Variants in CACNA1E observed in about 807,000 individuals in gnomAD.
CACNA1E encodes voltage-dependent R-type calcium channel subunit alpha-1E.
In CACNA1E, 40 loss-of-function variants were observed where a neutral mutation model predicts 259.2. That is an observed-to-expected ratio of 0.15 (90% CI 0.12 to 0.20). The LOEUF (loss-of-function observed/expected upper bound fraction) is 0.20, where lower values mean the gene tolerates loss of function less well. Ranked by LOEUF, CACNA1E falls within the 10% of genes least tolerant of loss-of-function variation. The pLI is 1.00. For missense variants in CACNA1E, 1,874 were observed against 3,040.1 expected, an observed-to-expected ratio of 0.62 and a Z score of 9.02; for synonymous variants, 1,104 against 1,138.5, an observed-to-expected ratio of 0.97 and a Z score of 0.61.
intron 6 of CACNA1E, among the ~76,000 whole-genome samples, chr1:181,610,670 A>T (rs1374696245): frequency 6.6e-6 from 1 of 152,208 alleles, no homozygotes; most frequent in Non-Finnish European, 1.5e-5. Context: ...AGTAATGTCA[A>T]TAGAGATGTC....
rs139376462 is a variant in CACNA1E at position 181,409,865 on chromosome 1, G to T, written c.-14-3268G>T. On this transcript the variant is annotated intron_variant, in intron 1 of 11. Transcript: ENST00000524607. ...CTGGAGCTCCGCAGTGCATATTATT[G>T]CTGTTGTAATTTTGGCAAAGATGTG... is the stretch of plus-strand genomic sequence containing the variant. Among the ~76,000 whole-genome samples, 682 of 152,306 alleles carry T rather than the reference G, an allele frequency of 4.5e-3. 6 individuals carry two copies. Among genetic ancestry groups the T allele is most frequent in the Non-Finnish European group, 6.7e-3 (455 of 68,024 alleles).
At chr1:181,724,595 C>A (rs1306668434) in intron 17 of CACNA1E, 58 bp downstream of exon 17, 9 of 1,384,096 alleles carry the variant, frequency 6.5e-6, no homozygotes, top group African/African-American at 2.8e-5. Context: ...TACCCTTTGG[C>A]CTTTGGAACT....
chr1:181,413,932 C>T (rs903702038), intron 2 of CACNA1E, among the ~76,000 whole-genome samples: 8 of 152,340 alleles, frequency 5.3e-5, no homozygotes, highest in Admixed American at 4.6e-4. Flanking sequence ...TCCTTCACAA[C>T]GTGGATCATC....
At chr1:181,755,072 C>T (rs1341412612) in intron 27 of CACNA1E, among the ~76,000 whole-genome samples, 165 bp from the exon 28 acceptor site, 1 of 152,046 alleles carries the variant, frequency 6.6e-6, no homozygotes, top group Non-Finnish European at 1.5e-5. Context: ...GCTTAGAAGC[C>T]AGCCCTTAAT....
intron 7 of CACNA1E, among the ~76,000 whole-genome samples, chr1:181,704,285 G>A (rs777713883): frequency 8.5e-5 from 13 of 152,138 alleles, no homozygotes; most frequent in Admixed American, 2.0e-4. Flanking sequence ...CCCCAGGCTC[G>A]TAAGAACACT....
At chr1:181,524,166 G>A (rs1558086109) in intron 3 of CACNA1E, among the ~76,000 whole-genome samples, 1 of 152,178 alleles carries the variant, frequency 6.6e-6, no homozygotes, top group Non-Finnish European at 1.5e-5. Context: ...AAAGTGAGAG[G>A]GCTTATGCTC....
chr1:181,516,878 C>A (rs747440208), intron 3 of CACNA1E, among the ~76,000 whole-genome samples: 1 of 152,226 alleles, frequency 6.6e-6, no homozygotes, highest in Non-Finnish European at 1.5e-5. Flanking sequence ...AGGTGACCTG[C>A]GTTGGCTCTT....
intron 3 of CACNA1E, among the ~76,000 whole-genome samples, chr1:181,533,183 A>T (rs1295414805): frequency 6.6e-6 from 1 of 151,902 alleles, no homozygotes; most frequent in Non-Finnish European, 1.5e-5. Flanking sequence ...TCTGATGAAG[A>T]TGTGGCAGTT....
intron 2 of CACNA1E, among the ~76,000 whole-genome samples, chr1:181,423,662 A>ATGTTTTTTTTTTTTTT (rs1430665143): frequency 2.3e-5 from 3 of 130,998 alleles, no homozygotes; most frequent in Admixed American, 7.9e-5. Context: ...CATTGGGCCA[A>ATGTTTTTTTTTTTTTT]TTTTTTTTTT....
chr1:181,483,936 C>G lies in CACNA1E; in HGVS notation c.192C>G (p.Thr64=), dbSNP rs1571981561. The G allele has an allele frequency of 2.5e-6, 4 of 1,613,480 alleles. No homozygotes were observed. Among genetic ancestry groups the G allele is most frequent in the Non-Finnish European group, 3.4e-6 (4 of 1,179,582 alleles). Residue 64 remains threonine (T), a synonymous_variant, in exon 1 of 48, where the codon ACC becomes ACG. Transcript: ENST00000367573. ...NPIPVRQNCF[T]VNRSLFIFGE... is the part of the protein sequence containing the mutation. Reference sequence around the variant, plus strand: ...TTCCCGTCCGGCAGAACTGTTTCACCGTCAACAGATCCCTGTTCATCTTCG... The same window carrying G: ...TTCCCGTCCGGCAGAACTGTTTCACGGTCAACAGATCCCTGTTCATCTTCG...
chr1:181,540,649 C>T (rs1156940309), intron 3 of CACNA1E, among the ~76,000 whole-genome samples: 1 of 152,184 alleles, frequency 6.6e-6, no homozygotes. Flanking sequence ...AGGAAAGGAG[C>T]ATCGTGATCC....
At chr1:181,446,191 A>G (rs1250479984) in intron 2 of CACNA1E, among the ~76,000 whole-genome samples, 1 of 152,166 alleles carries the variant, frequency 6.6e-6, no homozygotes, top group Non-Finnish European at 1.5e-5. Flanking sequence ...CTGGGAGAGG[A>G]TGTGGCAGGG....
At chr1:181,323,009 TA>T (rs1650486460) in intron 1 of CACNA1E, among the ~76,000 whole-genome samples, 1 of 152,090 alleles carries the variant, frequency 6.6e-6, no homozygotes, top group Admixed American at 6.5e-5. Flanking sequence ...CTAACCTGGG[TA>T]AAAAAATCTA....
In CACNA1E at chr1:181,738,253, T is replaced by G. The variant is rs187846752; in HGVS notation, c.3553-114T>G. The stretch of plus-strand genomic sequence containing the variant: ...CCAAGCCTTTGTTCTGAGGGTGCAG[T>G]GGGTGAGGGCCAGGGTGGGCGTGCA... On this transcript the variant is annotated intron_variant, in intron 23 of 47. Transcript: ENST00000367573. 1.1e-5 allele frequency: 9 copies of G among 796,834 alleles called. No individual in the cohort carries two copies. In the East Asian group the frequency reaches 1.9e-4, roughly 17 times the overall value. The allele number at this position is 796,834 out of a possible 1,614,324, so 49.4% of individuals were successfully genotyped here. A position where few individuals can be genotyped will look rare whatever the true frequency, so the allele number is the denominator to read the frequency against.
At chr1:181,659,700 C>T (rs1189219977) in intron 7 of CACNA1E, among the ~76,000 whole-genome samples, 1 of 152,152 alleles carries the variant, frequency 6.6e-6, no homozygotes, top group Non-Finnish European at 1.5e-5. Flanking sequence ...TAAAGCATGC[C>T]ATAGTTTTCA....
intron 6 of CACNA1E, among the ~76,000 whole-genome samples, chr1:181,646,776 C>A (rs753076228): frequency 1.3e-5 from 2 of 152,170 alleles, no homozygotes; most frequent in Non-Finnish European, 2.9e-5. Flanking sequence ...CTTGCAGCAT[C>A]TCCCCCAGTC....
intron 2 of CACNA1E, among the ~76,000 whole-genome samples, chr1:181,454,262 C>A (rs1661323270): frequency 6.6e-6 from 1 of 152,174 alleles, no homozygotes; most frequent in Non-Finnish European, 1.5e-5. Context: ...AGAGATCAGG[C>A]CCCCATCCCC....
chr1:181,337,331 AT>A (rs58242351), intron 1 of CACNA1E, among the ~76,000 whole-genome samples: 91 of 150,406 alleles, frequency 6.1e-4, no homozygotes, highest in African/African-American at 2.2e-3. Context: ...AATTTTTTGT[AT>A]TTTTTTTTAG....
chr1:181,672,769 T>A (rs183565061), intron 7 of CACNA1E, among the ~76,000 whole-genome samples: 1 of 152,364 alleles, frequency 6.6e-6, no homozygotes, highest in East Asian at 1.9e-4. Context: ...TCTAGGCATT[T>A]CTTATCCATA....
Sources: gnomAD v4.1 joint callset for allele counts (sites outside exome capture counted in the v4.1 genomes callset) on GRCh38, gnomAD v4.1.1 for gene constraint, MANE v1.5 for transcripts, NCBI Gene and HGNC (gene_info 2026-07-23, HGNC 2026-07-21) for gene names.